The following CLVS2 variants were observed in gnomAD, a reference collection of about 807,000 sequenced individuals.
CLVS2 encodes the protein clavesin-2.
Under a neutral mutation model 29.0 loss-of-function variants are expected in CLVS2, and 19 were observed. That is an observed-to-expected ratio of 0.66 (90% CI 0.46 to 0.96). The LOEUF (loss-of-function observed/expected upper bound fraction) is 0.96, where lower values mean the gene tolerates loss of function less well. CLVS2 is among the 40% of genes least tolerant of loss of function. The pLI, the probability that CLVS2 is intolerant of heterozygous loss-of-function variation, is 0.00. For missense variants in CLVS2, 294 were observed against 404.1 expected, an observed-to-expected ratio of 0.73 and a Z score of 2.34; for synonymous variants, 161 against 151.3, an observed-to-expected ratio of 1.06 and a Z score of -0.47.
intron 3 of CLVS2, among the ~76,000 whole-genome samples, chr6:123,014,113 T>A (rs1030462122): frequency 6.6e-6 from 1 of 152,092 alleles, no homozygotes. Context: ...ATATTGCCGC[T>A]ATAAACATAC....
intron 4 of CLVS2, among the ~76,000 whole-genome samples, chr6:123,053,980 T>C (rs1184501510): frequency 1.3e-5 from 2 of 152,092 alleles, no homozygotes; most frequent in Non-Finnish European, 2.9e-5. Context: ...GTTGATGTCA[T>C]CTGGTTGTCC....
rs369706919 is a variant in CLVS2 at position 123,000,119 on chromosome 6, G to A, written c.389+1953G>A. Among the ~76,000 whole-genome samples, 7 of 152,194 alleles carry A rather than the reference G, an allele frequency of 4.6e-5. 1 individual carries two copies. The highest frequency in any genetic ancestry group is 1.4e-4 in the African/African-American group (6 of 41,524). On this transcript the variant is annotated intron_variant, in intron 2 of 5. Transcript: ENST00000275162. Reference sequence around the variant, plus strand: ...TACACATAATCTTAAATACTAAAATGTGTATTAGAACAAAATGAGAAGCTG... The same window carrying A: ...TACACATAATCTTAAATACTAAAATATGTATTAGAACAAAATGAGAAGCTG...
intron 4 of CLVS2, among the ~76,000 whole-genome samples, chr6:123,055,101 A>G (rs1772673905): frequency 6.6e-6 from 1 of 152,302 alleles, no homozygotes; most frequent in East Asian, 1.9e-4. Context: ...TAAGGTATGC[A>G]TACAGCTTTA....
At chr6:123,043,519 A>C (rs559345957) in intron 3 of CLVS2, among the ~76,000 whole-genome samples, 1 of 152,176 alleles carries the variant, frequency 6.6e-6, no homozygotes, top group African/African-American at 2.4e-5. Context: ...AAAGTACAAG[A>C]AAGTGATTAA....
chr6:123,015,515 C>T (rs573691188), intron 3 of CLVS2, among the ~76,000 whole-genome samples: 121 of 152,152 alleles, frequency 8.0e-4, no homozygotes, highest in African/African-American at 2.7e-3. Flanking sequence ...GGTTGTCTGA[C>T]TCCAAAGGCC....
intron 4 of CLVS2, among the ~76,000 whole-genome samples, chr6:123,050,390 C>T (rs201179288): frequency 3.9e-5 from 6 of 152,106 alleles, no homozygotes; most frequent in South Asian, 2.1e-4. Context: ...TTAGTACTTA[C>T]GACACCACTT....
chr6:123,016,345 G>GGA (rs1774834258), intron 3 of CLVS2, among the ~76,000 whole-genome samples: 1 of 138,748 alleles, frequency 7.2e-6, no homozygotes, highest in South Asian at 2.6e-4. Flanking sequence ...TTTTTGGGGG[G>GGA]GAGGGGGAGG....
intron 3 of CLVS2, among the ~76,000 whole-genome samples, chr6:123,033,472 T>C (rs184641527): frequency 1.3e-5 from 2 of 152,144 alleles, no homozygotes; most frequent in East Asian, 3.9e-4. Context: ...AATATAGCTT[T>C]TCAACAAATG....
intron 3 of CLVS2, among the ~76,000 whole-genome samples, chr6:123,011,646 G>GT (rs529624133): frequency 3.0e-4 from 45 of 151,972 alleles, no homozygotes; most frequent in East Asian, 1.7e-3. Flanking sequence ...ACTTCATTGG[G>GT]TTTTTTTGTG....
At chr6:123,023,797 A>G (rs995521276) in intron 3 of CLVS2, among the ~76,000 whole-genome samples, 9 of 152,110 alleles carry the variant, frequency 5.9e-5, no homozygotes, top group Admixed American at 2.6e-4. Context: ...TGCCCGTATC[A>G]TGTCCAGATT....
intron 5 of CLVS2, among the ~76,000 whole-genome samples, chr6:123,061,121 T>C (rs1472109763): frequency 6.6e-6 from 1 of 152,148 alleles, no homozygotes; most frequent in African/African-American, 2.4e-5. Flanking sequence ...GTCAACATGG[T>C]GAAACCTCAT....
At chr6:123,021,433 A>T (rs538643893) in intron 3 of CLVS2, among the ~76,000 whole-genome samples, 33 of 152,028 alleles carry the variant, frequency 2.2e-4, no homozygotes, top group Non-Finnish European at 4.3e-4. Flanking sequence ...TTCAGTTAAA[A>T]AAAAATTATT....
In CLVS2 at chr6:123,013,859, G is replaced by C. The variant is rs542969232; in HGVS notation, c.564+2700G>C. 5.3e-5 allele frequency among the ~76,000 whole-genome samples: 8 copies of C among 149,856 alleles called. 1 individual carries two copies. The highest frequency in any genetic ancestry group is 2.0e-4 in the African/African-American group (8 of 40,734). ...CAGTGTGTGATGTTCCCCTTCCTGTGTCCATGTGCTCTCATTGTTCAATTC... is the reference window on the plus strand; with the variant it reads ...CAGTGTGTGATGTTCCCCTTCCTGTCTCCATGTGCTCTCATTGTTCAATTC... On this transcript the variant is annotated intron_variant, in intron 3 of 5. Coordinates refer to ENST00000275162, the MANE Select transcript of CLVS2 (RefSeq NM_001010852.4).
chr6:123,020,149 C>T (rs548062040), intron 3 of CLVS2, among the ~76,000 whole-genome samples: 1 of 152,122 alleles, frequency 6.6e-6, no homozygotes, highest in Non-Finnish European at 1.5e-5. Context: ...CAAATTGATA[C>T]AATAAATTAT....
At chr6:123,005,935 A>T (rs996935295) in intron 2 of CLVS2, among the ~76,000 whole-genome samples, 1 of 152,236 alleles carries the variant, frequency 6.6e-6, no homozygotes, top group Non-Finnish European at 1.5e-5. Context: ...GCCCTTGGGA[A>T]ATAGTTTGAT....
intron 2 of CLVS2, among the ~76,000 whole-genome samples, chr6:123,000,189 T>A (rs1421547832): frequency 6.6e-6 from 1 of 152,208 alleles, no homozygotes; most frequent in African/African-American, 2.4e-5. Flanking sequence ...CTTGTAATTA[T>A]GAATTCTATT....
intron 3 of CLVS2, among the ~76,000 whole-genome samples, chr6:123,038,066 G>A (rs1037072232): frequency 6.6e-6 from 1 of 152,102 alleles, no homozygotes; most frequent in Admixed American, 6.6e-5. Context: ...CAGACAAACA[G>A]TTTTGACAAC....
intron 3 of CLVS2, among the ~76,000 whole-genome samples, chr6:123,027,495 T>C (rs1331491388): frequency 1.3e-5 from 2 of 152,208 alleles, no homozygotes; most frequent in Admixed American, 1.3e-4. Flanking sequence ...CATTTAAATC[T>C]GTTTCATCTC....
intron 3 of CLVS2, among the ~76,000 whole-genome samples, chr6:123,022,909 A>G (rs1774944655): frequency 6.6e-6 from 1 of 152,094 alleles, no homozygotes; most frequent in African/African-American, 2.4e-5. Context: ...AACAAACTAC[A>G]TTTAATGATA....
Sources: gnomAD v4.1 joint callset for allele counts (sites outside exome capture counted in the v4.1 genomes callset) on GRCh38, gnomAD v4.1.1 for gene constraint, MANE v1.5 for transcripts, NCBI Gene and HGNC (gene_info 2026-07-23, HGNC 2026-07-21) for gene names.